The following SLCO3A1 variants were observed in gnomAD, a reference collection of about 807,000 sequenced individuals.
SLCO3A1 encodes the protein solute carrier organic anion transporter family member 3A1.
SLCO3A1 carries 27 observed loss-of-function variants against 63.1 expected under a neutral mutation model. The ratio of observed to expected loss-of-function variants is 0.43; its 90% CI spans 0.32 to 0.59. The LOEUF is 0.59. SLCO3A1 is among the 20% of genes least tolerant of loss of function. The probability of loss-of-function intolerance (pLI) is 0.09; values close to 1 mark genes in which losing one functional copy is unlikely to be tolerated. For missense variants in SLCO3A1, 773 were observed against 945.8 expected (o/e 0.82, Z 2.40); for synonymous variants, 473 against 409.9 (o/e 1.15, Z -1.86).
At chr15:92,002,233 C>A (rs1475078129) in intron 2 of SLCO3A1, among the ~76,000 whole-genome samples, 1 of 152,116 alleles carries the variant, frequency 6.6e-6, no homozygotes, top group Non-Finnish European at 1.5e-5. Flanking sequence ...CCTGCTATTA[C>A]CGCAGGTGTT....
intron 2 of SLCO3A1, among the ~76,000 whole-genome samples, chr15:92,080,937 G>GGTGTGTGT (rs746523979): frequency 1.2e-4 from 9 of 78,114 alleles, no homozygotes; most frequent in Non-Finnish European, 2.2e-4. Flanking sequence ...ATACATAGTA[G>GGTGTGTGT]CTGTGTGTGT....
chr15:91,966,554 TATG>T (rs1900668852), intron 2 of SLCO3A1, among the ~76,000 whole-genome samples: 1 of 152,174 alleles, frequency 6.6e-6, no homozygotes, highest in Non-Finnish European at 1.5e-5. Flanking sequence ...CATTTCAGGA[TATG>T]ATCCTTTCAG....
intron 2 of SLCO3A1, among the ~76,000 whole-genome samples, chr15:92,087,511 C>CTTT (rs1393268848): frequency 6.9e-6 from 1 of 144,310 alleles, no homozygotes; most frequent in African/African-American, 2.7e-5. Context: ...CTTTTATTAT[C>CTTT]TATTATTTTT....
intron 4 of SLCO3A1, among the ~76,000 whole-genome samples, chr15:92,120,258 T>A (rs1203782086): frequency 6.6e-6 from 1 of 152,182 alleles, no homozygotes; most frequent in Non-Finnish European, 1.5e-5. Context: ...TGGCAACATG[T>A]CAGTGTACGC....
intron 9 of SLCO3A1, among the ~76,000 whole-genome samples, chr15:92,158,989 CCTAT>C (rs758831427): frequency 6.6e-6 from 1 of 152,138 alleles, no homozygotes; most frequent in Non-Finnish European, 1.5e-5. Context: ...CCCCAAATCC[CCTAT>C]CTAACATGAA....
chr15:91,924,660 G>C (rs1272608691), intron 2 of SLCO3A1, among the ~76,000 whole-genome samples: 1 of 152,174 alleles, frequency 6.6e-6, no homozygotes, highest in Non-Finnish European at 1.5e-5. Flanking sequence ...GATCTTGCAC[G>C]AACAGAGGAC....
intron 4 of SLCO3A1, among the ~76,000 whole-genome samples, chr15:92,108,738 CTCT>C (rs1405244545): frequency 6.6e-6 from 1 of 152,162 alleles, no homozygotes. Context: ...ATCAGGCAGT[CTCT>C]TGTTTGCTGC....
chr15:91,864,132 G>A (rs1019543512), intron 1 of SLCO3A1, among the ~76,000 whole-genome samples: 4 of 152,200 alleles, frequency 2.6e-5, no homozygotes, highest in Non-Finnish European at 4.4e-5. Context: ...AACCTTGTTC[G>A]ATTTCTAGAG....
rs562309094 is a variant in SLCO3A1 at position 92,002,702 on chromosome 15, C to T, written c.646+86244C>T. ...GCAATTATCTCTCAGGAAGGGCCTG[C>T]GATGGGCAGGAGACTCACTTTTTAT... On this transcript the variant is annotated intron_variant, in intron 2 of 9. Coordinates refer to ENST00000318445, the MANE Select transcript of SLCO3A1 (RefSeq NM_013272.4). Among the ~76,000 whole-genome samples the T allele has an allele frequency of 9.2e-5, 14 of 152,192 alleles. No homozygotes were observed. The South Asian group carries it at 1.5e-3, about 16-fold the overall frequency.
intron 1 of SLCO3A1, among the ~76,000 whole-genome samples, chr15:91,858,441 T>C (rs1360787244): frequency 1.3e-5 from 2 of 152,210 alleles, no homozygotes; most frequent in East Asian, 3.8e-4. Flanking sequence ...GAAAAAGGTG[T>C]TTCTGAAAAT....
rs558483673 is a variant in SLCO3A1 at position 92,038,138 on chromosome 15, G to A, written c.647-56743G>A. Among the ~76,000 whole-genome samples, 19 of 152,290 alleles carry A rather than the reference G, an allele frequency of 1.2e-4. 1 individual carries two copies. Among genetic ancestry groups the A allele is most frequent in the African/African-American group, 4.3e-4 (18 of 41,550 alleles). On this transcript the variant is annotated intron_variant, in intron 2 of 9. Transcript: ENST00000318445. ...TTTCTCTAAGGAAGCAGTAGAGAATGTGAATAGATGTGCTACCTCATCTCT... is the reference window on the plus strand; with the variant it reads ...TTTCTCTAAGGAAGCAGTAGAGAATATGAATAGATGTGCTACCTCATCTCT...
chr15:92,070,440 C>G (rs774760719), intron 2 of SLCO3A1, among the ~76,000 whole-genome samples: 1 of 152,136 alleles, frequency 6.6e-6, no homozygotes, highest in Non-Finnish European at 1.5e-5. Context: ...GTTAGGAACT[C>G]GAGACCAGCC....
chr15:91,858,043 T>G (rs1055425204), intron 1 of SLCO3A1, among the ~76,000 whole-genome samples: 1 of 152,240 alleles, frequency 6.6e-6, no homozygotes, highest in African/African-American at 2.4e-5. Flanking sequence ...GTCACACTTT[T>G]TCTTTCAGCC....
intron 7 of SLCO3A1, among the ~76,000 whole-genome samples, chr15:92,132,898 T>G (rs1265153214): frequency 6.9e-6 from 1 of 145,700 alleles, no homozygotes; most frequent in African/African-American, 2.5e-5. Flanking sequence ...TTTTAAAACA[T>G]GAGGCCCCAC....
At chr15:91,976,691 A>AG (rs1449216130) in intron 2 of SLCO3A1, among the ~76,000 whole-genome samples, 2 of 152,190 alleles carry the variant, frequency 1.3e-5, no homozygotes, top group Non-Finnish European at 2.9e-5. Flanking sequence ...AGAGTACAAA[A>AG]GAGAGAAATT....
intron 4 of SLCO3A1, among the ~76,000 whole-genome samples, chr15:92,116,314 C>G (rs991725322): frequency 6.6e-5 from 10 of 152,170 alleles, no homozygotes; most frequent in Non-Finnish European, 4.4e-5. Flanking sequence ...ACTCTTAATC[C>G]TACAGGAATC....
At chr15:91,898,739 T>G (rs1161603088) in intron 1 of SLCO3A1, among the ~76,000 whole-genome samples, 1 of 152,134 alleles carries the variant, frequency 6.6e-6, no homozygotes, top group Non-Finnish European at 1.5e-5. Context: ...AGGCAAAAAC[T>G]TACTCTTTTT....
chr15:92,057,769 A>G (rs540893475), intron 2 of SLCO3A1, among the ~76,000 whole-genome samples: 30 of 152,256 alleles, frequency 2.0e-4, no homozygotes, highest in African/African-American at 7.2e-4. Context: ...GAGCCATCCC[A>G]TTTCTCAGTG....
At chr15:92,060,884 G>A (rs1009739536) in intron 2 of SLCO3A1, among the ~76,000 whole-genome samples, 3 of 152,022 alleles carry the variant, frequency 2.0e-5, no homozygotes, top group Non-Finnish European at 4.4e-5. Flanking sequence ...CATTAACCTT[G>A]GCCTACCCAG....
Sources: allele counts gnomAD v4.1 joint callset (sites outside exome capture counted in the v4.1 genomes callset), GRCh38; gene constraint gnomAD v4.1.1; transcripts MANE v1.5; gene names NCBI Gene and HGNC (gene_info 2026-07-23, HGNC 2026-07-21).